COL22A1: variants seen among roughly 807,000 people sequenced by gnomAD.
The protein encoded by COL22A1 is collagen alpha-1(XXII) chain.
COL22A1 carries 221 observed loss-of-function variants against 248.9 expected under a neutral mutation model. The observed-to-expected ratio is 0.89, with a 90% confidence interval of 0.80 to 0.99. The LOEUF (loss-of-function observed/expected upper bound fraction) is 0.99. COL22A1 is among the 50% of genes least tolerant of loss of function. The probability of loss-of-function intolerance (pLI) is 0.00; values close to 1 mark genes in which losing one functional copy is unlikely to be tolerated. For synonymous variants in COL22A1, 891 were observed against 793.4 expected, an observed-to-expected ratio of 1.12 and a Z score of -2.07; for missense variants, 2,240 against 2,179.0, an observed-to-expected ratio of 1.03 and a Z score of -0.56.
chr8:138,878,016 G>T lies in COL22A1; in HGVS notation c.392C>A (p.Pro131Gln), dbSNP rs900819066. 3 of 1,588,804 alleles carry T rather than the reference G, an allele frequency of 1.9e-6. No individual in the cohort carries two copies. The highest frequency in any genetic ancestry group is 2.6e-6 in the Non-Finnish European group (3 of 1,167,976). Residue 131 changes from proline (P) to glutamine (Q), a missense_variant, in exon 3 of 65, where the codon CCA (proline) becomes CAA (glutamine). Transcript: ENST00000303045. ...LRYITARSFSPHAGGRPRDRA... is the reference protein window; with the variant it reads ...LRYITARSFSQHAGGRPRDRA... ...GTCCCTGGGGCGGCCGCCGGCGTGT[G>T]GGGAGAAGCTGCGGGCCGTGATGTA... is the stretch of plus-strand genomic sequence containing the variant.
chr8:138,623,061 C>T (rs549768937), intron 52 of COL22A1, among the ~76,000 whole-genome samples: 4 of 151,928 alleles, frequency 2.6e-5, no homozygotes, highest in South Asian at 4.2e-4. Context: ...GTCACAGATA[C>T]GGGTCTCTGT....
At position 138,913,723 on chromosome 8, in the gene COL22A1, T is replaced by TGG. The variant is rs1370736004; in HGVS notation, c.-179_-178dup. 2 of 152,822 alleles carry TGG rather than the reference T, an allele frequency of 1.3e-5. No individual in the cohort carries two copies. The highest frequency in any genetic ancestry group is 2.9e-5 in the Non-Finnish European group (2 of 68,626). The allele number at this position is 152,822 out of a possible 1,614,324, so 9.5% of individuals were successfully genotyped here. ...ACACCAGCCCCAGGAATCCTCCTCC[T>TGG]GGGGGTCACCTGTCAGCCACTCGCC... is the stretch of plus-strand genomic sequence containing the variant. On this transcript the variant is annotated 5_prime_UTR_variant, in exon 1 of 65. Transcript: ENST00000303045.
In COL22A1 at chr8:138,616,905, C is replaced by T. The variant is rs1357087117; in HGVS notation, c.3870+9G>A. ...CTGGGGGGACCTCCAAAGTGAGGCG[C>T]CCACTTACCCGGGGACCGGGTGCAC... On this transcript the variant is annotated intron_variant, in intron 54 of 64. Coordinates refer to ENST00000303045, the MANE Select transcript of COL22A1 (RefSeq NM_152888.3). 1.9e-6 allele frequency: 3 copies of T among 1,614,078 alleles called. No individual in the cohort carries two copies. The highest frequency in any genetic ancestry group is 1.1e-5 in the South Asian group (1 of 91,066).
At chr8:138,778,250 A>C in intron 15 of COL22A1, 103 bp downstream of exon 15, 1 of 1,281,054 alleles carries the variant, frequency 7.8e-7, no homozygotes, top group Non-Finnish European at 1.1e-6. Flanking sequence ...GTAAGGCAAA[A>C]CAGCATTACT....
chr8:138,826,618 A>C (rs1485471050), intron 6 of COL22A1, 40 bp downstream of exon 6: 1 of 1,608,120 alleles, frequency 6.2e-7, no homozygotes, highest in East Asian at 2.2e-5. Flanking sequence ...GGGGAACAGA[A>C]AGCTCAGGAC....
At chr8:138,688,835 C>G (rs547325806) in intron 37 of COL22A1, 82 bp downstream of exon 37, 1 of 1,219,506 alleles carries the variant, frequency 8.2e-7, no homozygotes, top group South Asian at 1.2e-5. Flanking sequence ...AAACCAGGCC[C>G]GAGCAGAGTG....
At chr8:138,881,211 G>A (rs1054297920) in intron 2 of COL22A1, among the ~76,000 whole-genome samples, 1 of 150,354 alleles carries the variant, frequency 6.7e-6, no homozygotes, top group African/African-American at 2.4e-5. Context: ...TGGCTAGATG[G>A]GCACAGAAAT....
At chr8:138,877,419 G>C (rs934667764) in intron 3 of COL22A1, among the ~76,000 whole-genome samples, 2 of 152,186 alleles carry the variant, frequency 1.3e-5, no homozygotes, top group Non-Finnish European at 2.9e-5. Context: ...CAGAGGTAAA[G>C]ATGAGACACC....
chr8:138,637,808 A>C (rs2132040017), intron 47 of COL22A1, among the ~76,000 whole-genome samples: 1 of 151,260 alleles, frequency 6.6e-6, no homozygotes, highest in South Asian at 2.1e-4. Flanking sequence ...TCTCATTGTC[A>C]GTATCACCAT....
chr8:138,696,891 T>C (rs1278116211), intron 32 of COL22A1, among the ~76,000 whole-genome samples: 2 of 152,220 alleles, frequency 1.3e-5, no homozygotes, highest in Non-Finnish European at 2.9e-5. Context: ...CCTAGAAAAC[T>C]ACCCATGGTG....
Position 138,699,558 on chromosome 8 carries a change from T to C in COL22A1, c.2592+554A>G, listed in dbSNP as rs186324189. 3.0e-3 allele frequency among the ~76,000 whole-genome samples: 462 copies of C among 152,376 alleles called. 2 individuals are homozygous for C. Among genetic ancestry groups the C allele is most frequent in the African/African-American group, 1.0e-2 (415 of 41,594 alleles). On this transcript the variant is annotated intron_variant, in intron 32 of 64. Transcript: ENST00000303045. ...CGTGAAAAGAGAGGAAAAAGGTTTCTAGACGTTGCAGTGCTAAGCTTTATT... is the reference window on the plus strand; with the variant it reads ...CGTGAAAAGAGAGGAAAAAGGTTTCCAGACGTTGCAGTGCTAAGCTTTATT...
chr8:138,822,175 G>A (rs1024597228), intron 6 of COL22A1, among the ~76,000 whole-genome samples: 2 of 151,976 alleles, frequency 1.3e-5, no homozygotes, highest in Non-Finnish European at 2.9e-5. Flanking sequence ...TTAGTCTCCC[G>A]AGTAGCTGGG....
chr8:138,810,437 G>A (rs1818116275), intron 9 of COL22A1, among the ~76,000 whole-genome samples: 2 of 152,166 alleles, frequency 1.3e-5, no homozygotes, highest in Admixed American at 6.5e-5. Context: ...GCCTGACTGC[G>A]GTGGACCTTA....
At chr8:138,620,980 TCCATCCATCCATCCAC>T (rs1385392930) in intron 52 of COL22A1, among the ~76,000 whole-genome samples, 5 of 126,172 alleles carry the variant, frequency 4.0e-5, no homozygotes, top group Non-Finnish European at 8.9e-5. Context: ...CATCCATCCA[TCCATCCATCCATCCAC>T]CCATCCATCC....
intron 3 of COL22A1, among the ~76,000 whole-genome samples, chr8:138,875,700 C>A (rs1170015356): frequency 6.6e-6 from 1 of 152,164 alleles, no homozygotes; most frequent in Non-Finnish European, 1.5e-5. Flanking sequence ...TCTTTCCCCA[C>A]CTAACCCATC....
At chr8:138,797,712 T>C (rs902416269) in intron 11 of COL22A1, among the ~76,000 whole-genome samples, 9 of 152,284 alleles carry the variant, frequency 5.9e-5, no homozygotes, top group African/African-American at 2.2e-4. Flanking sequence ...TCCATGAAGA[T>C]TCCAATTTCT....
At chr8:138,815,202 G>A (rs1818580162) in intron 7 of COL22A1, among the ~76,000 whole-genome samples, 1 of 152,118 alleles carries the variant, frequency 6.6e-6, no homozygotes, top group Admixed American at 6.6e-5. Flanking sequence ...CCAGTCTTGG[G>A]TATGTCTTTA....
intron 7 of COL22A1, 85 bp from the exon 8 acceptor site, chr8:138,813,104 G>T: frequency 1.0e-6 from 1 of 997,124 alleles, no homozygotes; most frequent in Non-Finnish European, 1.6e-6. Context: ...GCCCCGTCCT[G>T]GTATCTGGTT....
intron 10 of COL22A1, among the ~76,000 whole-genome samples, chr8:138,806,156 G>A (rs1459567082): frequency 2.5e-4 from 15 of 60,918 alleles, no homozygotes; most frequent in African/African-American, 1.3e-3. Context: ...GTGTGATGGT[G>A]TGTGTGTGTG....
Sources: allele counts gnomAD v4.1 joint callset (sites outside exome capture counted in the v4.1 genomes callset), GRCh38; gene constraint gnomAD v4.1.1; transcripts MANE v1.5; gene names NCBI Gene and HGNC (gene_info 2026-07-23, HGNC 2026-07-21).